Variants in DCLK1 observed in about 807,000 individuals in gnomAD.
DCLK1 encodes the protein serine/threonine-protein kinase DCLK1.
DCLK1 carries 16 observed loss-of-function variants against 86.2 expected under a neutral mutation model. The ratio of observed to expected loss-of-function variants is 0.19; its 90% CI spans 0.13 to 0.28. The LOEUF (loss-of-function observed/expected upper bound fraction) is 0.28. DCLK1 is among the 10% of genes least tolerant of loss of function. The pLI, the probability that DCLK1 is intolerant of heterozygous loss-of-function variation, is 1.00. For missense variants in DCLK1, 590 were observed against 940.2 expected, an observed-to-expected ratio of 0.63 and a Z score of 4.87; for synonymous variants, 369 against 370.5, an observed-to-expected ratio of 1.00 and a Z score of 0.05.
rs757895280 is a variant in DCLK1, at chr13:35,854,454, A to G, written c.1035+45T>C. ...GCTGGCACCTGTACCTGTCTGCACC[A>G]AGGCTGAGACAGGTCTGAAACAAGC... is the stretch of plus-strand genomic sequence containing the variant. On this transcript the variant is annotated intron_variant, in intron 6 of 16. Coordinates refer to ENST00000360631, the MANE Select transcript of DCLK1 (RefSeq NM_001330071.2). The G allele has an allele frequency of 2.7e-6, 4 of 1,486,910 alleles. No homozygotes were observed. In the African/African-American group the frequency reaches 4.2e-5, roughly 16 times the overall value. 92.1% of individuals were successfully genotyped at this position (1,486,910 alleles called of 1,614,324 possible).
intron 3 of DCLK1, among the ~76,000 whole-genome samples, chr13:36,071,146 A>C (rs1196219384): frequency 6.6e-6 from 1 of 152,066 alleles, no homozygotes; most frequent in Non-Finnish European, 1.5e-5. Context: ...GACCAGAAAT[A>C]ATATGAACAT....
At chr13:35,828,792 C>T (rs901808120) in intron 8 of DCLK1, among the ~76,000 whole-genome samples, 5 of 152,204 alleles carry the variant, frequency 3.3e-5, no homozygotes, top group Admixed American at 3.3e-4. Flanking sequence ...TGAGTTTCCG[C>T]CCTTCCCCTT....
rs559637549 is a variant in DCLK1, at chr13:36,108,496, C to T, written c.723+3373G>A. ...GAGTGGTGGTAGAAACAAGTGAGAA[C>T]AGCATGTGGTCTGTGCCCTCCGGTG... On this transcript the variant is annotated intron_variant, in intron 3 of 16. Coordinates refer to ENST00000360631, the MANE Select transcript of DCLK1 (RefSeq NM_001330071.2). Among the ~76,000 whole-genome samples, 8 of 152,298 alleles carry T rather than the reference C, an allele frequency of 5.3e-5. No individual in the cohort carries two copies. In the East Asian group the frequency reaches 5.8e-4, roughly 11 times the overall value.
chr13:35,940,422 G>A (rs1049171528), intron 4 of DCLK1, among the ~76,000 whole-genome samples: 2 of 152,184 alleles, frequency 1.3e-5, no homozygotes, highest in African/African-American at 4.8e-5. Flanking sequence ...CTGCATGAGT[G>A]AAAGAATGGA....
chr13:36,112,257 GC>G, intron 2 of DCLK1, 42 bp from the exon 3 acceptor site: 1 of 1,401,610 alleles, frequency 7.1e-7, no homozygotes, highest in South Asian at 1.5e-5. Context: ...ACTAAAATAT[GC>G]CCATTTCTTT....
chr13:36,120,360 C>G (rs1885943003), intron 2 of DCLK1, among the ~76,000 whole-genome samples: 1 of 152,068 alleles, frequency 6.6e-6, no homozygotes, highest in Non-Finnish European at 1.5e-5. Context: ...TTTTATTGTA[C>G]CTTTTCTATG....
intron 3 of DCLK1, among the ~76,000 whole-genome samples, chr13:36,061,158 A>T (rs1883534155): frequency 1.3e-5 from 2 of 152,138 alleles, no homozygotes; most frequent in South Asian, 4.2e-4. Context: ...TAGAATTCTT[A>T]AAACTGCAAT....
At chr13:35,929,406 C>T (rs1009640493) in intron 4 of DCLK1, among the ~76,000 whole-genome samples, 1 of 152,082 alleles carries the variant, frequency 6.6e-6, no homozygotes, top group African/African-American at 2.4e-5. Flanking sequence ...GCTTTATAAC[C>T]TCGGTTCTCA....
chr13:35,958,058 A>AATCATT (rs1878133952), intron 3 of DCLK1, among the ~76,000 whole-genome samples: 1 of 68,330 alleles, frequency 1.5e-5, no homozygotes, highest in African/African-American at 6.0e-5. Flanking sequence ...TCACCACTAT[A>AATCATT]ACCACTAGCA....
At position 35,844,130 on chromosome 13, in the gene DCLK1, G is replaced by A. The variant is rs933118140; in HGVS notation, c.1036-4954C>T. 3.3e-5 allele frequency among the ~76,000 whole-genome samples: 5 copies of A among 152,168 alleles called. No homozygotes were observed. The East Asian group carries it at 7.7e-4, about 23-fold the overall frequency. ...CTGCTTTTTCCAAATTCCTTTGTCT[G>A]CAATCTTCATAGTAGTACATTCAGC... is the stretch of plus-strand genomic sequence containing the variant. On this transcript the variant is annotated intron_variant, in intron 6 of 16. Transcript: ENST00000360631.
chr13:35,932,676 T>C (rs1285885957), intron 4 of DCLK1, among the ~76,000 whole-genome samples: 1 of 152,144 alleles, frequency 6.6e-6, no homozygotes, highest in Non-Finnish European at 1.5e-5. Flanking sequence ...TTCACTACCA[T>C]GAGAACAGTA....
In DCLK1 at chr13:35,810,760, G is replaced by A; in HGVS notation, c.1688+75C>T. 3.2e-6 allele frequency: 5 copies of A among 1,558,398 alleles called. No homozygotes were observed. In the Admixed American group the frequency reaches 5.4e-5, roughly 17 times the overall value. The stretch of plus-strand genomic sequence containing the variant: ...AATTATGTCTGGATAGGGCACAGCA[G>A]TACTATTTTTCCTATTCTCGAAGCG... On this transcript the variant is annotated intron_variant, in intron 12 of 16. Transcript: ENST00000360631.
intron 3 of DCLK1, among the ~76,000 whole-genome samples, chr13:35,975,260 A>G (rs2078798662): frequency 6.6e-6 from 1 of 152,140 alleles, no homozygotes; most frequent in African/African-American, 2.4e-5. Flanking sequence ...GGCAGGAAAA[A>G]ACACTTATGA....
intron 3 of DCLK1, among the ~76,000 whole-genome samples, chr13:36,036,250 T>G (rs1362003640): frequency 6.6e-6 from 1 of 152,222 alleles, no homozygotes; most frequent in African/African-American, 2.4e-5. Context: ...ACTGCAGAAC[T>G]GCCTCTGAGC....
In DCLK1 at chr13:35,839,136, G is replaced by C. The variant is rs753191248; in HGVS notation, c.1076C>G (p.Thr359Ser). ...HGGSSTSLAS[T>S]KVCSSMDEND... ...CTCATCCATCGAGCTGCAGACTTTG[G>C]TGGACGCAAGTGACGTAGAGGAGCC... Residue 359 changes from threonine to serine, a missense_variant, in exon 7 of 17, where the codon ACC (threonine) becomes AGC (serine). Thr to Ser is a moderately conservative substitution (Grantham distance 58). Around this residue, in one of 6 missense-constraint regions of DCLK1, gnomAD observed 63 missense variants for 64.3 expected, o/e 0.98. Coordinates refer to ENST00000360631, the MANE Select transcript of DCLK1 (RefSeq NM_001330071.2). 9 of 1,595,640 alleles carry C rather than the reference G, an allele frequency of 5.6e-6. No individual in the cohort carries two copies. Among genetic ancestry groups the C allele is most frequent in the Non-Finnish European group, 2.6e-6 (3 of 1,171,366 alleles).
intron 3 of DCLK1, among the ~76,000 whole-genome samples, chr13:36,100,750 C>T (rs1330151653): frequency 4.6e-5 from 7 of 152,024 alleles, no homozygotes; most frequent in African/African-American, 4.8e-5. Flanking sequence ...ATTAAATAGG[C>T]GACACCCCCT....
At chr13:35,978,389 A>G (rs941439792) in intron 3 of DCLK1, among the ~76,000 whole-genome samples, 5 of 151,730 alleles carry the variant, frequency 3.3e-5, no homozygotes, top group Admixed American at 6.6e-5. Flanking sequence ...TATTTTTAGT[A>G]GAGATGGAGT....
intron 5 of DCLK1, among the ~76,000 whole-genome samples, chr13:35,859,790 C>T (rs1871279704): frequency 6.6e-6 from 1 of 152,192 alleles, no homozygotes; most frequent in African/African-American, 2.4e-5. Flanking sequence ...TATGATTAAA[C>T]ATCAAAGTTA....
chr13:35,934,003 A>T (rs1171095), intron 4 of DCLK1, among the ~76,000 whole-genome samples: 1 of 152,064 alleles, frequency 6.6e-6, no homozygotes, highest in Non-Finnish European at 1.5e-5. Flanking sequence ...GAATGCTTTG[A>T]TGCTTAGAAA....
Sources: allele counts gnomAD v4.1 joint callset (sites outside exome capture counted in the v4.1 genomes callset), GRCh38; gene constraint gnomAD v4.1.1; regional missense constraint gnomAD v4.1.1; transcripts MANE v1.5; gene names NCBI Gene and HGNC (gene_info 2026-07-23, HGNC 2026-07-21).